MDGA2: variants seen among roughly 807,000 people sequenced by gnomAD.
The protein encoded by MDGA2 is MAM domain containing glycosylphosphatidylinositol anchor 2.
A neutral mutation model predicts 117.8 loss-of-function variants in MDGA2; 40 were observed. That is an observed-to-expected ratio of 0.34 (90% CI 0.26 to 0.44). The LOEUF is 0.44. MDGA2 is among the 20% of genes least tolerant of loss of function. MDGA2 has a pLI of 1.00. For missense variants in MDGA2, 1,123 were observed against 1,250.6 expected (o/e 0.90, Z 1.54); for synonymous variants, 452 against 439.0 (o/e 1.03, Z -0.37).
At position 46,845,859 on chromosome 14, in the gene MDGA2, C is replaced by T. The variant is rs1880817257; in HGVS notation, c.2896G>A (p.Gly966Ser). ...PITSFQLIFE[G>S]IRGPGIEGDI... ...CCTTCTATTCCAGGACCTCGGATAC[C>T]TTCAAAAATGAGCTACAAATATGAA... Residue 966 changes from glycine to serine, a missense_variant, in exon 16 of 17, where the codon GGT becomes AGT. Around this residue, in one of 2 missense-constraint regions of MDGA2, gnomAD observed 890 missense variants for 1,050.3 expected, o/e 0.85. Transcript: ENST00000399232. 6.2e-7 allele frequency: 1 copy of T among 1,611,506 alleles called. No individual in the cohort carries two copies. Among genetic ancestry groups the T allele is most frequent in the Non-Finnish European group, 8.5e-7 (1 of 1,178,098 alleles).
At chr14:46,988,327 T>C (rs1886944531) in intron 8 of MDGA2, among the ~76,000 whole-genome samples, 1 of 152,042 alleles carries the variant, frequency 6.6e-6, no homozygotes, top group Admixed American at 6.6e-5. Flanking sequence ...GAAGGGTTGA[T>C]GGAAAAAATC....
intron 4 of MDGA2, among the ~76,000 whole-genome samples, chr14:47,136,225 G>T (rs1182740194): frequency 2.0e-4 from 27 of 133,830 alleles, no homozygotes; most frequent in African/African-American, 7.7e-4. Flanking sequence ...TTGAGACATA[G>T]TTTAGCTCTG....
At chr14:47,133,951 G>T (rs767587541) in intron 4 of MDGA2, among the ~76,000 whole-genome samples, 6 of 151,914 alleles carry the variant, frequency 3.9e-5, no homozygotes, top group Non-Finnish European at 5.9e-5. Flanking sequence ...AAGCCACAAT[G>T]ATTTACACTT....
intron 3 of MDGA2, among the ~76,000 whole-genome samples, chr14:47,174,146 A>G (rs1884320640): frequency 6.6e-6 from 1 of 152,184 alleles, no homozygotes; most frequent in South Asian, 2.1e-4. Flanking sequence ...AGATTCATAA[A>G]GCAAGTCCTG....
At chr14:47,487,759 A>T (rs1894090655) in intron 1 of MDGA2, among the ~76,000 whole-genome samples, 1 of 152,166 alleles carries the variant, frequency 6.6e-6, no homozygotes, top group South Asian at 2.1e-4. Flanking sequence ...CTTGTTGTTT[A>T]ATAAATCTTA....
chr14:47,552,757 A>T (rs1214186637), intron 1 of MDGA2, among the ~76,000 whole-genome samples: 3 of 152,074 alleles, frequency 2.0e-5, no homozygotes, highest in Non-Finnish European at 4.4e-5. Context: ...AGTAATAGTC[A>T]AATTTTTTCT....
chr14:47,052,892 T>C (rs1395975961), intron 7 of MDGA2, among the ~76,000 whole-genome samples: 1 of 151,880 alleles, frequency 6.6e-6, no homozygotes, highest in Non-Finnish European at 1.5e-5. Context: ...TCCTTTCCTC[T>C]CTTCCTCTTA....
intron 8 of MDGA2, among the ~76,000 whole-genome samples, chr14:46,999,906 G>A (rs959313658): frequency 6.6e-6 from 1 of 151,960 alleles, no homozygotes; most frequent in Non-Finnish European, 1.5e-5. Context: ...TAAGGGGTTG[G>A]CTTTCACAAG....
rs200357930 is a variant in MDGA2 at position 47,403,307 on chromosome 14, ATCTTC to A, written c.281-101762_281-101758del. ...TTTGACACTGTCATCTTCCTTAAAA[ATCTTC>A]TCTTATTTGCCATTCTGGAATCTGG... On this transcript the variant is annotated intron_variant, in intron 1 of 16. Transcript: ENST00000399232. Among the ~76,000 whole-genome samples the A allele has an allele frequency of 9.1e-3, 1,392 of 152,214 alleles. 15 individuals carry two copies. The highest frequency in any genetic ancestry group is 0.027 in the Middle Eastern group (8 of 294).
intron 8 of MDGA2, among the ~76,000 whole-genome samples, chr14:47,010,882 T>C (rs1461046523): frequency 6.6e-6 from 1 of 152,022 alleles, no homozygotes; most frequent in African/African-American, 2.4e-5. Context: ...TGGTACCTCA[T>C]TATAATTAAA....
At chr14:47,276,524 T>C (rs1434355954) in intron 2 of MDGA2, among the ~76,000 whole-genome samples, 1 of 152,164 alleles carries the variant, frequency 6.6e-6, no homozygotes, top group East Asian at 1.9e-4. Flanking sequence ...TTTATAAAAA[T>C]GGGTCATTTT....
intron 3 of MDGA2, among the ~76,000 whole-genome samples, chr14:47,175,522 C>T (rs200072804): frequency 6.6e-6 from 1 of 150,970 alleles, no homozygotes; most frequent in Non-Finnish European, 1.5e-5. Context: ...TGTAATCCAG[C>T]ATATAAACAG....
At chr14:46,867,899 T>G (rs957021168) in intron 14 of MDGA2, among the ~76,000 whole-genome samples, 2 of 147,518 alleles carry the variant, frequency 1.4e-5, no homozygotes, top group South Asian at 2.2e-4. Context: ...AAATTCAAGT[T>G]AAGTCAATAA....
intron 1 of MDGA2, among the ~76,000 whole-genome samples, chr14:47,596,740 T>C (rs1896550845): frequency 6.6e-6 from 1 of 152,218 alleles, no homozygotes; most frequent in Non-Finnish European, 1.5e-5. Context: ...GGCATTCTGC[T>C]AAGTGGAGTG....
At chr14:47,495,863 C>G (rs1341675359) in intron 1 of MDGA2, among the ~76,000 whole-genome samples, 1 of 152,076 alleles carries the variant, frequency 6.6e-6, no homozygotes, top group Non-Finnish European at 1.5e-5. Flanking sequence ...TACATAAATA[C>G]CCATTTCATT....
At chr14:47,476,633 T>A in intron 1 of MDGA2, among the ~76,000 whole-genome samples, 1 of 152,176 alleles carries the variant, frequency 6.6e-6, no homozygotes, top group East Asian at 1.9e-4. Flanking sequence ...ACACAGAGTT[T>A]ATCATTTAGC....
At chr14:47,078,436 C>A (rs1890576942) in intron 6 of MDGA2, among the ~76,000 whole-genome samples, 1 of 152,050 alleles carries the variant, frequency 6.6e-6, no homozygotes, top group Non-Finnish European at 1.5e-5. Flanking sequence ...GAGACAGCCT[C>A]CCATAAAAAA....
At position 47,131,928 on chromosome 14, in the gene MDGA2, T is replaced by A. The variant is rs543080525; in HGVS notation, c.793-82A>T. 8.9e-6 allele frequency: 10 copies of A among 1,117,810 alleles called. No homozygotes were observed. In the East Asian group the frequency reaches 2.4e-4, roughly 26 times the overall value. The allele number at this position is 1,117,810 out of a possible 1,614,324, so 69.2% of individuals were successfully genotyped here. A position where few individuals can be genotyped will look rare whatever the true frequency, so the allele number is the denominator to read the frequency against. ...AATGAAACATCACATCACATTACAT[T>A]GTATTAAATCATATTATTATCAGAA... On this transcript the variant is annotated intron_variant, in intron 4 of 16. Transcript: ENST00000399232.
chr14:47,156,468 C>T (rs912441390), intron 3 of MDGA2, among the ~76,000 whole-genome samples: 2 of 152,118 alleles, frequency 1.3e-5, no homozygotes, highest in Non-Finnish European at 2.9e-5. Context: ...TGACATAAAC[C>T]AGCTAACTCA....
Sources: allele counts gnomAD v4.1 joint callset (sites outside exome capture counted in the v4.1 genomes callset), GRCh38; gene constraint gnomAD v4.1.1; regional missense constraint gnomAD v4.1.1; transcripts MANE v1.5; gene names NCBI Gene and HGNC (gene_info 2026-07-23, HGNC 2026-07-21).